The following PRKN variants were observed in gnomAD, a reference collection of about 807,000 sequenced individuals.
PRKN encodes the protein E3 ubiquitin-protein ligase parkin.
PRKN carries 56 observed loss-of-function variants against 59.5 expected under a neutral mutation model. That is an observed-to-expected ratio of 0.94 (90% CI 0.76 to 1.18). The LOEUF (loss-of-function observed/expected upper bound fraction) is 1.18. Among genes scored for constraint, PRKN ranks in the 50% most tolerant of loss-of-function variants. The pLI is 0.00. For missense variants in PRKN, 657 were observed against 596.4 expected (o/e 1.10, Z -1.06); for synonymous variants, 250 against 222.1 (o/e 1.13, Z -1.12).
chr6:161,496,000 G>C (rs1777735154), intron 9 of PRKN, among the ~76,000 whole-genome samples: 1 of 152,200 alleles, frequency 6.6e-6, no homozygotes, highest in Admixed American at 6.5e-5. Context: ...CTAGACCTCT[G>C]TGTCATGGGG....
intron 5 of PRKN, among the ~76,000 whole-genome samples, chr6:162,021,438 A>AATATAT (rs1193427302): frequency 3.3e-4 from 40 of 120,770 alleles, no homozygotes; most frequent in African/African-American, 7.8e-4. Flanking sequence ...CATTACAGGG[A>AATATAT]ATATATATAT....
chr6:161,995,628 T>C (rs1300795419), intron 5 of PRKN, among the ~76,000 whole-genome samples: 2 of 151,976 alleles, frequency 1.3e-5, no homozygotes, highest in East Asian at 1.9e-4. Flanking sequence ...AAAGAAGACA[T>C]ACAAATGGCC....
chr6:161,367,081 C>T (rs1195809742), intron 10 of PRKN, among the ~76,000 whole-genome samples: 4 of 149,082 alleles, frequency 2.7e-5, no homozygotes, highest in African/African-American at 7.4e-5. Context: ...AGCTCCGCCT[C>T]CCGGGTTCAC....
At chr6:161,745,801 C>T (rs3019446) in intron 7 of PRKN, among the ~76,000 whole-genome samples, 121,012 of 152,200 alleles carry the variant, frequency 0.8, 48,562 homozygotes, top group East Asian at 0.9. Flanking sequence ...GAACAAGTGA[C>T]CAGTATTTTC....
At position 162,422,742 on chromosome 6, in the gene PRKN, C is replaced by T. The variant is rs1006310856; in HGVS notation, c.171+20568G>A. On this transcript the variant is annotated intron_variant, in intron 2 of 11. Transcript: ENST00000366898. ...GGCGGATTGCCTGAGCTCAGGAGTTCGAGACCAGCCCAGGCAACATGGTGA... is the reference window on the plus strand; with the variant it reads ...GGCGGATTGCCTGAGCTCAGGAGTTTGAGACCAGCCCAGGCAACATGGTGA... Among the ~76,000 whole-genome samples the T allele has an allele frequency of 2.0e-5, 3 of 151,804 alleles. No homozygotes were observed. The East Asian group carries it at 5.8e-4, about 29-fold the overall frequency.
At chr6:161,711,493 T>C (rs1340956808) in intron 7 of PRKN, among the ~76,000 whole-genome samples, 1 of 152,194 alleles carries the variant, frequency 6.6e-6, no homozygotes, top group Non-Finnish European at 1.5e-5. Flanking sequence ...TTTGTCTAAA[T>C]TTGAATAATA....
At chr6:161,792,687 T>C (rs1472049482) in intron 6 of PRKN, among the ~76,000 whole-genome samples, 2 of 152,242 alleles carry the variant, frequency 1.3e-5, no homozygotes, top group African/African-American at 4.8e-5. Context: ...TGTTCTTAGT[T>C]TGTGCAATAG....
At chr6:161,641,721 A>G (rs1266996402) in intron 7 of PRKN, among the ~76,000 whole-genome samples, 2 of 152,216 alleles carry the variant, frequency 1.3e-5, no homozygotes, top group African/African-American at 2.4e-5. Context: ...TCTTCATCTG[A>G]TATTTTGCAT....
chr6:162,724,596 T>C (rs1047347638), intron 1 of PRKN, among the ~76,000 whole-genome samples: 1 of 152,026 alleles, frequency 6.6e-6, no homozygotes, highest in Non-Finnish European at 1.5e-5. Context: ...ACAATAAAAT[T>C]AAAAAGAAAG....
At chr6:161,426,678 T>A (rs1462879869) in intron 9 of PRKN, among the ~76,000 whole-genome samples, 1 of 46,108 alleles carries the variant, frequency 2.2e-5, no homozygotes, top group African/African-American at 8.6e-5. Flanking sequence ...CACACACACC[T>A]CCTATTAGTT....
intron 4 of PRKN, among the ~76,000 whole-genome samples, chr6:162,123,273 T>C (rs941308512): frequency 6.6e-6 from 1 of 152,058 alleles, no homozygotes; most frequent in Admixed American, 6.6e-5. Flanking sequence ...AACTGTTGGG[T>C]ATTTAGAGCT....
chr6:161,950,689 G>T (rs1482139301), intron 6 of PRKN, among the ~76,000 whole-genome samples: 1 of 152,168 alleles, frequency 6.6e-6, no homozygotes, highest in African/African-American at 2.4e-5. Context: ...GCGTTGTAGG[G>T]ACTGTGAAAG....
chr6:162,673,097 AAT>A (rs945450881), intron 1 of PRKN, among the ~76,000 whole-genome samples: 7 of 152,318 alleles, frequency 4.6e-5, no homozygotes, highest in Admixed American at 3.3e-4. Context: ...ATACATATTA[AAT>A]ATAGTCACTG....
At position 162,022,029 on chromosome 6, in the gene PRKN, G is replaced by C. The variant is rs140472228; in HGVS notation, c.618+32062C>G. ...ACGTCGCTGCAAAGGACAGGATTTT[G>C]ATCTTTTTTTTTGGCTGCATAGTAT... On this transcript the variant is annotated intron_variant, in intron 5 of 11. Transcript: ENST00000366898. 7.6e-3 allele frequency among the ~76,000 whole-genome samples: 1,153 copies of C among 152,040 alleles called. 17 individuals are homozygous for C. Among genetic ancestry groups the C allele is most frequent in the African/African-American group, 0.025 (1,046 of 41,446 alleles).
intron 9 of PRKN, among the ~76,000 whole-genome samples, chr6:161,493,344 A>T (rs975724126): frequency 6.6e-6 from 1 of 152,246 alleles, no homozygotes; most frequent in South Asian, 2.1e-4. Flanking sequence ...TCATTATTCC[A>T]TTTGACCCAT....
intron 7 of PRKN, among the ~76,000 whole-genome samples, chr6:161,749,899 A>G (rs1788603948): frequency 6.6e-6 from 1 of 152,032 alleles, no homozygotes; most frequent in Non-Finnish European, 1.5e-5. Flanking sequence ...AAAACAACAA[A>G]AACTCAACAG....
chr6:161,417,381 C>T lies in PRKN; in HGVS notation c.1084-30504G>A, dbSNP rs1422052072. Among the ~76,000 whole-genome samples, 1 of 147,450 alleles carries T rather than the reference C, an allele frequency of 6.8e-6. No individual in the cohort carries two copies. The highest frequency in any genetic ancestry group is 7.0e-5 in the Admixed American group (1 of 14,264). On this transcript the variant is annotated intron_variant, in intron 9 of 11. Transcript: ENST00000366898. This position sits in a 1 kb window ranked among gnomAD's most constrained non-coding sequence, Gnocchi z 5.4. ...AGCAGAATCACTTGAACCTGGGAGG[C>T]GGAGGTTGCAGTGAGCAGAGATGGC...
chr6:162,034,778 C>T (rs1783776542), intron 5 of PRKN, among the ~76,000 whole-genome samples: 1 of 152,164 alleles, frequency 6.6e-6, no homozygotes, highest in Non-Finnish European at 1.5e-5. Flanking sequence ...AAGACTCTAA[C>T]TTTTTCAGTC....
rs371488321 is a variant in PRKN, at chr6:162,219,614, GA to G, written c.413-18363del. On this transcript the variant is annotated intron_variant, in intron 3 of 11. Transcript: ENST00000366898. ...TCCAATGGTCCTCCGCAGCATGGAG[GA>G]AAAAAAAAAAAACATACTTCAGGGA... Among the ~76,000 whole-genome samples the G allele has an allele frequency of 1.7e-3, 235 of 137,606 alleles. 2 individuals are homozygous for G. The South Asian group carries it at 0.024, about 14-fold the overall frequency. 90.3% of individuals were successfully genotyped at this position (137,606 alleles called of 152,430 possible).
Sources: gnomAD v4.1 joint callset for allele counts (sites outside exome capture counted in the v4.1 genomes callset) on GRCh38, gnomAD v4.1.1 for gene constraint, Gnocchi (gnomAD v3.1) non-coding constraint, MANE v1.5 for transcripts, NCBI Gene and HGNC (gene_info 2026-07-23, HGNC 2026-07-21) for gene names.